Variants in HMGA2 observed in about 807,000 individuals in gnomAD.
HMGA2 encodes the protein high mobility group AT-hook 2.
A neutral mutation model predicts 19.1 loss-of-function variants in HMGA2; 8 were observed. That is an observed-to-expected ratio of 0.42 (90% CI 0.25 to 0.76). The LOEUF (loss-of-function observed/expected upper bound fraction) is 0.76, where lower values mean the gene tolerates loss of function less well. Ranked by LOEUF, HMGA2 falls within the 30% of genes least tolerant of loss-of-function variation. HMGA2 has a pLI of 0.28. For missense variants in HMGA2, 109 were observed against 136.3 expected (o/e 0.80, Z 1.00); for synonymous variants, 60 against 48.8 (o/e 1.23, Z -0.96).
chr12:65,855,102 G>A lies in HMGA2; in HGVS notation c.249+16533G>A, dbSNP rs1168393752. 4.6e-5 allele frequency among the ~76,000 whole-genome samples: 7 copies of A among 152,310 alleles called. No homozygotes were observed. The East Asian group carries it at 7.7e-4, about 17-fold the overall frequency. On this transcript the variant is annotated intron_variant, in intron 3 of 4. Transcript: ENST00000403681. ...TTTCCTGAAGGCACATACAACAGGC[G>A]TATTTGAGTACCTGCTTGCCCTTTG...
intron 3 of HMGA2, among the ~76,000 whole-genome samples, chr12:65,913,685 C>T (rs1439071668): frequency 6.6e-6 from 1 of 152,108 alleles, no homozygotes; most frequent in Non-Finnish European, 1.5e-5. Context: ...GAATCTGGGC[C>T]GTGTTACTCA....
intron 3 of HMGA2, among the ~76,000 whole-genome samples, chr12:65,882,667 T>A (rs968892614): frequency 3.3e-5 from 5 of 152,188 alleles, no homozygotes; most frequent in African/African-American, 1.2e-4. Flanking sequence ...GATGAGAAAA[T>A]ACCTCTAAGG....
chr12:65,869,651 A>T (rs1004271046), intron 3 of HMGA2, among the ~76,000 whole-genome samples: 1 of 152,246 alleles, frequency 6.6e-6, no homozygotes, highest in East Asian at 1.9e-4. Context: ...ACAGTGTTTC[A>T]CAATGTAGGT....
chr12:65,879,626 A>C (rs1290462265), intron 3 of HMGA2, among the ~76,000 whole-genome samples: 4 of 152,166 alleles, frequency 2.6e-5, no homozygotes, highest in African/African-American at 9.7e-5. Context: ...TTACATCTTC[A>C]TTTGCATGAA....
chr12:65,895,309 A>G (rs1436433506), intron 3 of HMGA2, among the ~76,000 whole-genome samples: 1 of 152,198 alleles, frequency 6.6e-6, no homozygotes, highest in East Asian at 1.9e-4. Context: ...ATTGTGCAGA[A>G]AAGTCATTAA....
intron 3 of HMGA2, among the ~76,000 whole-genome samples, chr12:65,885,709 G>A (rs1252453882): frequency 6.6e-6 from 1 of 152,218 alleles, no homozygotes; most frequent in Admixed American, 6.5e-5. Context: ...TTTGGTAAAA[G>A]TAGTTTTAAG....
At chr12:65,838,982 C>CTTTTTTTTTTTTTTTTTTTT (rs761437964) in intron 3 of HMGA2, among the ~76,000 whole-genome samples, 1 of 103,138 alleles carries the variant, frequency 9.7e-6, no homozygotes, top group African/African-American at 7.0e-5. Context: ...TTTTCTTTTT[C>CTTTTTTTTTTTTTTTTTTTT]TTTCTTTTTC....
chr12:65,876,076 C>T (rs901318618), intron 3 of HMGA2, among the ~76,000 whole-genome samples: 1 of 152,016 alleles, frequency 6.6e-6, no homozygotes, highest in African/African-American at 2.4e-5. Flanking sequence ...AACAAAATTG[C>T]TTCTTTGGAA....
chr12:65,872,787 A>G (rs7967707), intron 3 of HMGA2, among the ~76,000 whole-genome samples: 3,774 of 152,216 alleles, frequency 0.025, 165 homozygotes, highest in African/African-American at 0.087. Context: ...CAGAACAGAC[A>G]CTTTATCACT....
chr12:65,846,842 A>AT (rs1443326003), intron 3 of HMGA2, among the ~76,000 whole-genome samples: 1 of 152,144 alleles, frequency 6.6e-6, no homozygotes, highest in Non-Finnish European at 1.5e-5. Context: ...CCTTTGGGGA[A>AT]TTTATAGTCT....
chr12:65,924,608 G>A (rs927332598), intron 3 of HMGA2, among the ~76,000 whole-genome samples: 1 of 152,144 alleles, frequency 6.6e-6, no homozygotes, highest in Non-Finnish European at 1.5e-5. Context: ...GACCATCCTG[G>A]CCAACATGGT....
intron 3 of HMGA2, among the ~76,000 whole-genome samples, chr12:65,873,012 A>G (rs1228901265): frequency 6.6e-6 from 1 of 152,024 alleles, no homozygotes; most frequent in Non-Finnish European, 1.5e-5. Flanking sequence ...CTTTACTTCC[A>G]TTTGGACCAA....
At chr12:65,832,879 G>C (rs1055450559) in intron 2 of HMGA2, among the ~76,000 whole-genome samples, 2 of 152,048 alleles carry the variant, frequency 1.3e-5, no homozygotes, top group Admixed American at 6.5e-5. Flanking sequence ...TTGTATCATT[G>C]CTATTGATTT....
chr12:65,845,928 G>C (rs1166708876), intron 3 of HMGA2, among the ~76,000 whole-genome samples: 1 of 152,136 alleles, frequency 6.6e-6, no homozygotes, highest in African/African-American at 2.4e-5. Context: ...TCTTTGCTTT[G>C]TTTTCTCTCC....
At chr12:65,847,287 G>C (rs575186426) in intron 3 of HMGA2, among the ~76,000 whole-genome samples, 4 of 152,008 alleles carry the variant, frequency 2.6e-5, no homozygotes, top group Non-Finnish European at 5.9e-5. Context: ...TCAGGTACAG[G>C]CTCCAAAAAG....
intron 2 of HMGA2, chr12:65,828,461 G>T: frequency 4.5e-6 from 1 of 220,092 alleles, no homozygotes; most frequent in South Asian, 6.7e-5. Flanking sequence ...TTTGCCTGGT[G>T]GTAAAGTTTT....
intron 3 of HMGA2, among the ~76,000 whole-genome samples, chr12:65,940,616 G>T (rs150440440): frequency 6.6e-6 from 1 of 151,940 alleles, no homozygotes; most frequent in South Asian, 2.1e-4. Context: ...GATTTTCTTC[G>T]TAAAAAAAAT....
intron 3 of HMGA2, chr12:65,942,757 C>G (rs1876133551): frequency 6.6e-6 from 1 of 152,210 alleles, no homozygotes; most frequent in African/African-American, 2.4e-5. Context: ...ATCCCCTTAA[C>G]ACTAACCATG....
intron 2 of HMGA2, among the ~76,000 whole-genome samples, chr12:65,832,656 G>A (rs764629716): frequency 6.6e-6 from 1 of 152,048 alleles, no homozygotes; most frequent in African/African-American, 2.4e-5. Flanking sequence ...GAAGGTTTTA[G>A]TTATGAATCT....
Sources: gnomAD v4.1 joint callset for allele counts (sites outside exome capture counted in the v4.1 genomes callset) on GRCh38, gnomAD v4.1.1 for gene constraint, MANE v1.5 for transcripts, NCBI Gene and HGNC (gene_info 2026-07-23, HGNC 2026-07-21) for gene names.